Variants in ZFAT observed in about 807,000 individuals in gnomAD.
ZFAT encodes zinc finger protein ZFAT.
ZFAT carries 64 observed loss-of-function variants against 117.7 expected under a neutral mutation model. The observed-to-expected ratio is 0.54, with a 90% CI of 0.44 to 0.67. The LOEUF is 0.67. Ranked by LOEUF, ZFAT falls within the 30% of genes least tolerant of loss-of-function variation. The pLI, the probability that ZFAT is intolerant of heterozygous loss-of-function variation, is 0.00. For missense variants in ZFAT, 1,433 were observed against 1,584.5 expected (o/e 0.90, Z 1.62); for synonymous variants, 679 against 615.0 (o/e 1.10, Z -1.54).
In ZFAT at chr8:134,532,990, AG is replaced by A. The variant is rs1186593327; in HGVS notation, c.2977-19del. ...CGGAAAGGCTGCGGGGACAATGAGG[AG>A]GGGTTAGGAAAGGTGAGCCCCAGAT... On this transcript the variant is annotated intron_variant, in intron 11 of 15. Transcript: ENST00000377838. The A allele has an allele frequency of 2.5e-6, 4 of 1,588,554 alleles. No homozygotes were observed. Among genetic ancestry groups the A allele is most frequent in the Admixed American group, 1.8e-5 (1 of 56,104 alleles).
chr8:134,758,892 C>T, the ZFAT span, among the ~76,000 whole-genome samples: 849 of 152,206 alleles, frequency 5.6e-3, 10 homozygotes, highest in African/African-American at 0.02. Flanking sequence ...GGGTGCTCCA[C>T]CTCAGGGAAC....
intron 1 of ZFAT, among the ~76,000 whole-genome samples, chr8:134,697,665 T>C (rs1221044315): frequency 6.6e-6 from 1 of 150,402 alleles, no homozygotes; most frequent in African/African-American, 2.4e-5. Flanking sequence ...AGGCGGAGCT[T>C]GCAGTGAGCC....
the ZFAT span, among the ~76,000 whole-genome samples, chr8:134,757,580 T>G: frequency 6.6e-6 from 1 of 152,144 alleles, no homozygotes; most frequent in African/African-American, 2.4e-5. Context: ...GGGACACTGG[T>G]GACAGGGGAC....
At chr8:134,651,234 T>C (rs1348679397) in intron 2 of ZFAT, among the ~76,000 whole-genome samples, 1 of 152,174 alleles carries the variant, frequency 6.6e-6, no homozygotes, top group Non-Finnish European at 1.5e-5. Context: ...TGTAAACAAA[T>C]GCTGATAGAA....
intron 15 of ZFAT, among the ~76,000 whole-genome samples, chr8:134,504,408 A>T (rs1298885321): frequency 2.0e-5 from 3 of 152,236 alleles, no homozygotes; most frequent in African/African-American, 4.8e-5. Context: ...CTGTGTCATC[A>T]TAAGGTGTAC....
chr8:134,743,730 C>T, the ZFAT span, among the ~76,000 whole-genome samples: 1 of 152,030 alleles, frequency 6.6e-6, no homozygotes, highest in African/African-American at 2.4e-5. Flanking sequence ...TTGGAGATTG[C>T]TTTGCCCCAG....
chr8:134,646,718 T>C (rs1477144268), intron 2 of ZFAT, among the ~76,000 whole-genome samples: 2 of 151,476 alleles, frequency 1.3e-5, no homozygotes, highest in East Asian at 3.9e-4. Flanking sequence ...AAAGGACACA[T>C]TATAACTGGC....
the ZFAT span, among the ~76,000 whole-genome samples, chr8:134,817,558 C>T: frequency 0.29 from 44,746 of 151,734 alleles, 7,053 homozygotes; most frequent in African/African-American, 0.4. Flanking sequence ...TTAATGAAGC[C>T]CTAAACCAAG....
In ZFAT at chr8:134,565,567, C is replaced by T. The variant is rs753959144; in HGVS notation, c.2888-146G>A. On this transcript the variant is annotated intron_variant, in intron 10 of 15. Coordinates refer to ENST00000377838, the MANE Select transcript of ZFAT (RefSeq NM_020863.4). Reference sequence around the variant, plus strand: ...CAGAAGGGAACAGCGACGAGGTGCACAGGCACAATGCAGCATGCTCAGTCT... The same window carrying T: ...CAGAAGGGAACAGCGACGAGGTGCATAGGCACAATGCAGCATGCTCAGTCT... 23 of 782,950 alleles carry T rather than the reference C, an allele frequency of 2.9e-5. No homozygotes were observed. In the South Asian group the frequency reaches 3.1e-4, roughly 11 times the overall value. 48.5% of individuals were successfully genotyped at this position (782,950 alleles called of 1,614,324 possible).
the ZFAT span, among the ~76,000 whole-genome samples, chr8:134,720,062 A>G: frequency 1.3e-5 from 2 of 152,262 alleles, no homozygotes; most frequent in Non-Finnish European, 2.9e-5. Flanking sequence ...CCGCCTCTGG[A>G]AGCCAGCATC....
At chr8:134,601,143 A>G (rs1827412331) in intron 6 of ZFAT, among the ~76,000 whole-genome samples, 1 of 152,188 alleles carries the variant, frequency 6.6e-6, no homozygotes, top group Non-Finnish European at 1.5e-5. Flanking sequence ...CTTGGCTGAT[A>G]TAGTAGTTGG....
At chr8:134,671,207 T>C (rs576501076) in intron 1 of ZFAT, among the ~76,000 whole-genome samples, 212 of 152,340 alleles carry the variant, frequency 1.4e-3, no homozygotes, top group Middle Eastern at 6.8e-3. Flanking sequence ...ATTCTGAAAC[T>C]GTTCCAATCA....
intron 11 of ZFAT, among the ~76,000 whole-genome samples, chr8:134,535,168 T>A (rs1275715517): frequency 6.6e-6 from 1 of 152,198 alleles, no homozygotes; most frequent in Non-Finnish European, 1.5e-5. Flanking sequence ...AAGGTGCTGG[T>A]CTTGGGCTGG....
At chr8:134,479,631 A>C (rs1817148125) in intron 15 of ZFAT, among the ~76,000 whole-genome samples, 1 of 152,220 alleles carries the variant, frequency 6.6e-6, no homozygotes, top group Admixed American at 6.5e-5. Flanking sequence ...GGAATTATCT[A>C]GCTGGAGGAT....
At chr8:134,682,264 A>C (rs1833105658) in intron 1 of ZFAT, among the ~76,000 whole-genome samples, 1 of 152,240 alleles carries the variant, frequency 6.6e-6, no homozygotes, top group Non-Finnish European at 1.5e-5. Context: ...GATATTTTAC[A>C]TACCACTAAA....
chr8:134,520,299 C>T (rs1345998458), intron 13 of ZFAT, among the ~76,000 whole-genome samples: 1 of 152,138 alleles, frequency 6.6e-6, no homozygotes, highest in African/African-American at 2.4e-5. Context: ...ATCAAAATGT[C>T]GACAGTGCTG....
At chr8:134,674,684 G>A (rs552838385) in intron 1 of ZFAT, 32 of 171,474 alleles carry the variant, frequency 1.9e-4, no homozygotes, top group African/African-American at 4.6e-4. Context: ...TCCCCACCCC[G>A]TGTATCCAGA....
chr8:134,485,510 T>A (rs1322607585), intron 15 of ZFAT, among the ~76,000 whole-genome samples: 2 of 152,148 alleles, frequency 1.3e-5, no homozygotes, highest in Admixed American at 6.5e-5. Flanking sequence ...AGACAACCCC[T>A]CCTCATCTGA....
the ZFAT span, among the ~76,000 whole-genome samples, chr8:134,799,946 ATG>A: frequency 4.6e-5 from 7 of 152,200 alleles, no homozygotes. Flanking sequence ...TATATTCATC[ATG>A]TAAGTCAATC....
Sources: gnomAD v4.1 joint callset for allele counts (sites outside exome capture counted in the v4.1 genomes callset) on GRCh38, gnomAD v4.1.1 for gene constraint, MANE v1.5 for transcripts, NCBI Gene and HGNC (gene_info 2026-07-23, HGNC 2026-07-21) for gene names.